LRRTM4: variants seen among roughly 807,000 people sequenced by gnomAD.
The protein encoded by LRRTM4 is leucine-rich repeat transmembrane neuronal protein 4.
LRRTM4 carries 25 observed loss-of-function variants against 47.6 expected under a neutral mutation model. That is an observed-to-expected ratio of 0.53 (90% CI 0.38 to 0.73). The LOEUF (loss-of-function observed/expected upper bound fraction) is 0.73. Among genes scored for constraint, LRRTM4 ranks in the 30% least tolerant of loss-of-function variants. The pLI is 0.00. For synonymous variants in LRRTM4, 311 were observed against 269.5 expected, an observed-to-expected ratio of 1.15 and a Z score of -1.51; for missense variants, 638 against 713.4, an observed-to-expected ratio of 0.89 and a Z score of 1.20.
At chr2:77,152,122 T>G (rs1015092264) in intron 3 of LRRTM4, among the ~76,000 whole-genome samples, 21 of 152,106 alleles carry the variant, frequency 1.4e-4, no homozygotes, top group Non-Finnish European at 2.9e-5. Flanking sequence ...CCTAACGCCT[T>G]CTGGTAATTA....
chr2:76,748,854 G>A lies in LRRTM4; in HGVS notation c.1614C>T (p.Cys538=). Residue 538 remains cysteine (C), a synonymous_variant, in exon 4 of 4, where the codon TGC becomes TGT. Coordinates refer to ENST00000409884, the MANE Select transcript of LRRTM4 (RefSeq NM_001134745.3). ...TGACATGGAGTGGCTGGTGGGCCTG[G>A]CAGTACCCGATCACAGGCTGGTCAT... ...YSYDQPVIGY[C]QAHQPLHVTK... is the part of the protein sequence containing the mutation. 1 of 1,614,014 alleles carries A rather than the reference G, an allele frequency of 6.2e-7. No homozygotes were observed. The highest frequency in any genetic ancestry group is 1.3e-5 in the African/African-American group (1 of 75,046).
At chr2:77,153,083 C>T (rs1431908237) in intron 3 of LRRTM4, among the ~76,000 whole-genome samples, 2 of 152,192 alleles carry the variant, frequency 1.3e-5, no homozygotes, top group Non-Finnish European at 2.9e-5. Context: ...CTCCACCCTA[C>T]TTACAGATAT....
chr2:77,051,611 T>C (rs1039083387), intron 3 of LRRTM4, among the ~76,000 whole-genome samples: 2 of 152,202 alleles, frequency 1.3e-5, no homozygotes, highest in Admixed American at 6.5e-5. Context: ...TTAATACATG[T>C]AATGTCATGG....
chr2:76,989,869 A>C (rs1676942275), intron 3 of LRRTM4: 1 of 151,828 alleles, frequency 6.6e-6, no homozygotes, highest in Non-Finnish European at 1.5e-5. Context: ...CTAAAAGTTC[A>C]ATGGGAGAAA....
intron 3 of LRRTM4, among the ~76,000 whole-genome samples, chr2:76,780,661 T>A (rs1018502468): frequency 6.6e-6 from 1 of 152,170 alleles, no homozygotes; most frequent in Non-Finnish European, 1.5e-5. Flanking sequence ...TACATTCTTC[T>A]AAATTTTTTT....
At position 76,890,076 on chromosome 2, in the gene LRRTM4, G is replaced by C. The variant is rs912380225; in HGVS notation, c.1552-141160C>G. ...ATGTCCCATCCAAGATCAATGAAAA[G>C]AAATAACTGTAGCACACACACTATC... On this transcript the variant is annotated intron_variant, in intron 3 of 3. Coordinates refer to ENST00000409884, the MANE Select transcript of LRRTM4 (RefSeq NM_001134745.3). Among the ~76,000 whole-genome samples, 8 of 151,856 alleles carry C rather than the reference G, an allele frequency of 5.3e-5. No individual in the cohort carries two copies. In the East Asian group the frequency reaches 1.4e-3, roughly 26 times the overall value.
At chr2:77,165,381 G>T (rs892198285) in intron 3 of LRRTM4, among the ~76,000 whole-genome samples, 1 of 152,060 alleles carries the variant, frequency 6.6e-6, no homozygotes. Flanking sequence ...TCTACCAGAG[G>T]TACAAAGAGG....
chr2:77,362,162 A>AAGGAAGGAAGGAAGG (rs1553434441), intron 3 of LRRTM4, among the ~76,000 whole-genome samples: 1 of 112,830 alleles, frequency 8.9e-6, no homozygotes, highest in African/African-American at 4.9e-5. Context: ...AGAAAGAAAG[A>AAGGAAGGAAGGAAGG]AAGAAAGAAA....
chr2:77,288,031 A>G (rs1297916771), intron 3 of LRRTM4, among the ~76,000 whole-genome samples: 1 of 152,076 alleles, frequency 6.6e-6, no homozygotes. Flanking sequence ...AGCCAGCCAT[A>G]ACAACATTGG....
chr2:77,446,779 C>T (rs866064652), intron 3 of LRRTM4, among the ~76,000 whole-genome samples: 9 of 152,156 alleles, frequency 5.9e-5, no homozygotes, highest in African/African-American at 1.9e-4. Flanking sequence ...TAAGACTACT[C>T]TGGCCATCTC....
At chr2:77,448,758 G>A (rs12990498) in intron 3 of LRRTM4, among the ~76,000 whole-genome samples, 15,459 of 152,096 alleles carry the variant, frequency 0.1, 1,006 homozygotes, top group Middle Eastern at 0.16. Flanking sequence ...TTTTATAAAT[G>A]GATGCTCTTT....
At chr2:77,135,300 C>A (rs1558597851) in intron 3 of LRRTM4, among the ~76,000 whole-genome samples, 1 of 152,266 alleles carries the variant, frequency 6.6e-6, no homozygotes, top group East Asian at 1.9e-4. Context: ...CTGAGGAACT[C>A]CTCCACTGAG....
intron 3 of LRRTM4, among the ~76,000 whole-genome samples, chr2:77,053,253 C>G (rs1004252104): frequency 6.6e-6 from 1 of 152,110 alleles, no homozygotes; most frequent in Admixed American, 6.5e-5. Flanking sequence ...TGACTGATCA[C>G]TGCAAATACT....
chr2:77,292,806 C>T (rs916868399), intron 3 of LRRTM4, among the ~76,000 whole-genome samples: 2 of 150,762 alleles, frequency 1.3e-5, no homozygotes, highest in East Asian at 2.0e-4. Flanking sequence ...ATGTAACTAA[C>T]CTGCACATTG....
At chr2:76,816,999 G>A (rs1670922542) in intron 3 of LRRTM4, among the ~76,000 whole-genome samples, 1 of 151,764 alleles carries the variant, frequency 6.6e-6, no homozygotes, top group African/African-American at 2.4e-5. Flanking sequence ...TGCTCTGGGT[G>A]TTCAGGTTAA....
Position 76,825,176 on chromosome 2 carries a change from A to G in LRRTM4, c.1552-76260T>C, listed in dbSNP as rs753263833. Among the ~76,000 whole-genome samples, 106 of 151,612 alleles carry G rather than the reference A, an allele frequency of 7.0e-4. 1 individual carries two copies. The highest frequency in any genetic ancestry group is 1.6e-4 in the Non-Finnish European group (11 of 67,732). On this transcript the variant is annotated intron_variant, in intron 3 of 3. Coordinates refer to ENST00000409884, the MANE Select transcript of LRRTM4 (RefSeq NM_001134745.3). ...AAAGTTAGAATGGAAGGAAATAAAG[A>G]GGATTAAAAAGGAAAGAAACATAAT...
intron 3 of LRRTM4, among the ~76,000 whole-genome samples, chr2:76,889,395 G>A (rs1573262289): frequency 6.6e-6 from 1 of 151,930 alleles, no homozygotes; most frequent in African/African-American, 2.4e-5. Flanking sequence ...GAAAACAAAT[G>A]AGAAGAGTTC....
intron 3 of LRRTM4, among the ~76,000 whole-genome samples, chr2:76,974,395 G>A (rs1676347155): frequency 6.6e-6 from 1 of 150,520 alleles, no homozygotes; most frequent in Admixed American, 6.7e-5. Flanking sequence ...TTTAACTTGA[G>A]AACACTAAAA....
chr2:77,376,089 TGAAA>T (rs1430875795), intron 3 of LRRTM4, among the ~76,000 whole-genome samples: 2 of 151,892 alleles, frequency 1.3e-5, no homozygotes, highest in Non-Finnish European at 2.9e-5. Context: ...TAGCTTTCTC[TGAAA>T]GAAAGGACAA....
Sources: allele counts gnomAD v4.1 joint callset (sites outside exome capture counted in the v4.1 genomes callset), GRCh38; gene constraint gnomAD v4.1.1; transcripts MANE v1.5; gene names NCBI Gene and HGNC (gene_info 2026-07-23, HGNC 2026-07-21).